DPP10: variants seen among roughly 807,000 people sequenced by gnomAD.
DPP10 encodes dipeptidyl peptidase like 10, also known as inactive dipeptidyl peptidase 10.
A neutral mutation model predicts 120.9 loss-of-function variants in DPP10; 33 were observed. The observed-to-expected ratio is 0.27, with a 90% CI of 0.21 to 0.37. DPP10 has a LOEUF of 0.37. DPP10 is among the 10% of genes least tolerant of loss of function. The probability of loss-of-function intolerance (pLI) is 1.00; values close to 1 mark genes in which losing one functional copy is unlikely to be tolerated. For missense variants in DPP10, 816 were observed against 942.8 expected, an observed-to-expected ratio of 0.87 and a Z score of 1.76; for synonymous variants, 337 against 326.1, an observed-to-expected ratio of 1.03 and a Z score of -0.36.
chr2:115,402,929 GTA>G (rs776426536), intron 3 of DPP10, among the ~76,000 whole-genome samples: 7,861 of 127,902 alleles, frequency 0.061, 710 homozygotes, highest in African/African-American at 0.2. Flanking sequence ...ATATATATAT[GTA>G]TATATATATG....
At chr2:115,305,428 G>A (rs563828528) in intron 1 of DPP10, among the ~76,000 whole-genome samples, 30 of 152,122 alleles carry the variant, frequency 2.0e-4, no homozygotes, top group Non-Finnish European at 3.2e-4. Flanking sequence ...GTTAACTGAC[G>A]TAAGGAATCT....
chr2:115,492,627 A>G (rs1429146681), intron 3 of DPP10, among the ~76,000 whole-genome samples: 1 of 152,190 alleles, frequency 6.6e-6, no homozygotes, highest in Non-Finnish European at 1.5e-5. Context: ...CTTCCTGGAA[A>G]GAATTTCCTG....
intron 1 of DPP10, among the ~76,000 whole-genome samples, chr2:115,047,276 A>G (rs1705139324): frequency 6.6e-6 from 1 of 152,102 alleles, no homozygotes. Flanking sequence ...CCTTCCAATC[A>G]GTTATCTAAT....
At chr2:114,482,077 T>C (rs1188960094) in intron 1 of DPP10, among the ~76,000 whole-genome samples, 2 of 152,044 alleles carry the variant, frequency 1.3e-5, no homozygotes, top group Admixed American at 1.3e-4. Flanking sequence ...GAGAACAGCA[T>C]GGCATGATCC....
At chr2:115,581,797 G>A (rs186237900) in intron 5 of DPP10, among the ~76,000 whole-genome samples, 113 of 152,088 alleles carry the variant, frequency 7.4e-4, no homozygotes, top group Non-Finnish European at 1.3e-3. Context: ...AGCAGAGATG[G>A]AATTTAAGGA....
At chr2:115,072,102 A>G (rs1707413381) in intron 1 of DPP10, among the ~76,000 whole-genome samples, 1 of 152,200 alleles carries the variant, frequency 6.6e-6, no homozygotes, top group South Asian at 2.1e-4. Context: ...AATAGGTTGA[A>G]GAAAAGACAG....
intron 9 of DPP10, among the ~76,000 whole-genome samples, chr2:115,740,386 T>G (rs763418683): frequency 2.6e-5 from 4 of 152,112 alleles, no homozygotes; most frequent in African/African-American, 4.8e-5. Context: ...AGACTATGCA[T>G]AAAGAATCTC....
At chr2:115,060,001 A>G (rs981287966) in intron 1 of DPP10, among the ~76,000 whole-genome samples, 5 of 152,090 alleles carry the variant, frequency 3.3e-5, no homozygotes, top group Non-Finnish European at 7.4e-5. Flanking sequence ...TAGTACTCTC[A>G]ATGTTTCCAA....
chr2:115,269,465 T>C (rs1449903085), intron 1 of DPP10, among the ~76,000 whole-genome samples: 5 of 152,178 alleles, frequency 3.3e-5, no homozygotes, highest in African/African-American at 4.8e-5. Flanking sequence ...AGTTAAGCGA[T>C]TGACAGGGTC....
intron 5 of DPP10, among the ~76,000 whole-genome samples, chr2:115,589,896 A>G (rs937644294): frequency 1.3e-5 from 2 of 152,184 alleles, no homozygotes; most frequent in Non-Finnish European, 2.9e-5. Flanking sequence ...GCATATCGGT[A>G]TCTATACTTT....
At chr2:114,957,622 T>C (rs1698310813) in intron 1 of DPP10, among the ~76,000 whole-genome samples, 3 of 152,210 alleles carry the variant, frequency 2.0e-5, no homozygotes. Flanking sequence ...GAAATCAGTA[T>C]GTTGAAGAAA....
chr2:115,628,022 TTTCTGGTTCTAGAAATGCCATTTCTGG>T (rs1452991878), intron 5 of DPP10, among the ~76,000 whole-genome samples: 2 of 111,400 alleles, frequency 1.8e-5, no homozygotes, highest in Non-Finnish European at 3.5e-5. Context: ...TCAAATGGCA[TTTCTGGTTCTAGAAATGCCATTTCTGG>T]TTCTAGAAAT....
intron 1 of DPP10, among the ~76,000 whole-genome samples, chr2:114,801,743 A>G (rs1445199424): frequency 6.6e-6 from 1 of 152,226 alleles, no homozygotes; most frequent in Admixed American, 6.5e-5. Context: ...CTATGATAAG[A>G]AAGAATTTTA....
intron 13 of DPP10, among the ~76,000 whole-genome samples, 157 bp downstream of exon 13, chr2:115,768,561 A>T (rs972098690): frequency 6.6e-6 from 1 of 152,136 alleles, no homozygotes; most frequent in Non-Finnish European, 1.5e-5. Flanking sequence ...ATCCATAGCC[A>T]TACATTCAAG....
At chr2:115,703,428 C>A (rs929233306) in intron 7 of DPP10, among the ~76,000 whole-genome samples, 1 of 151,848 alleles carries the variant, frequency 6.6e-6, no homozygotes, top group African/African-American at 2.4e-5. Context: ...AGGATTTTAA[C>A]GAATTAACTC....
chr2:114,924,247 A>G (rs1695426392), intron 1 of DPP10, among the ~76,000 whole-genome samples: 1 of 152,124 alleles, frequency 6.6e-6, no homozygotes, highest in Non-Finnish European at 1.5e-5. Context: ...TTTACTTTGT[A>G]AAATGGTCTT....
chr2:114,558,307 C>T (rs1412638523), intron 1 of DPP10, among the ~76,000 whole-genome samples: 1 of 152,186 alleles, frequency 6.6e-6, no homozygotes, highest in Non-Finnish European at 1.5e-5. Flanking sequence ...CTCTCCTACC[C>T]CAGCTTTCCT....
intron 5 of DPP10, among the ~76,000 whole-genome samples, chr2:115,595,665 T>C (rs1360280390): frequency 6.6e-6 from 1 of 152,090 alleles, no homozygotes; most frequent in African/African-American, 2.4e-5. Context: ...ATAAACCTTC[T>C]ATAACTTACT....
intron 1 of DPP10, among the ~76,000 whole-genome samples, chr2:115,154,151 T>C (rs1041486568): frequency 6.6e-6 from 1 of 152,228 alleles, no homozygotes; most frequent in Non-Finnish European, 1.5e-5. Context: ...CAACAACAAA[T>C]ATTTTATTCA....
Sources: allele counts gnomAD v4.1 joint callset (sites outside exome capture counted in the v4.1 genomes callset), GRCh38; gene constraint gnomAD v4.1.1; transcripts MANE v1.5; gene names NCBI Gene and HGNC (gene_info 2026-07-23, HGNC 2026-07-21).